GRIK1: variants seen among roughly 807,000 people sequenced by gnomAD.
GRIK1 encodes the protein glutamate receptor ionotropic, kainate 1.
In GRIK1, 69 loss-of-function variants were observed where a neutral mutation model predicts 105.7. The ratio of observed to expected loss-of-function variants is 0.65; its 90% confidence interval spans 0.54 to 0.80. The LOEUF is 0.80. GRIK1 is among the 30% of genes least tolerant of loss of function. The pLI, the probability that GRIK1 is intolerant of heterozygous loss-of-function variation, is 0.00. For missense variants in GRIK1, 1,109 were observed against 1,167.3 expected (o/e 0.95, Z 0.73); for synonymous variants, 438 against 431.3 (o/e 1.02, Z -0.19).
At chr21:29,705,467 G>T (rs1157544752) in intron 1 of GRIK1, among the ~76,000 whole-genome samples, 2 of 152,156 alleles carry the variant, frequency 1.3e-5, no homozygotes, top group East Asian at 3.8e-4. Flanking sequence ...AGTTTTCCTT[G>T]TAACCGTGAC....
rs896541775 is a variant in GRIK1 at position 29,598,964 on chromosome 21, T to C, written c.1099-27A>G. The C allele has an allele frequency of 4.9e-6, 5 of 1,014,186 alleles. No homozygotes were observed. In the South Asian group the frequency reaches 5.6e-5, roughly 11 times the overall value. 62.8% of individuals were successfully genotyped at this position (1,014,186 alleles called of 1,614,324 possible). A position where few individuals can be genotyped will look rare whatever the true frequency, so the allele number is the denominator to read the frequency against. ...TGTGGACAAGAAGAAATGTGGCTGT[T>C]ATTGTTAAACATTTATCATAATTCC... On this transcript the variant is annotated intron_variant, in intron 7 of 17. Coordinates refer to ENST00000327783, the MANE Select transcript of GRIK1 (RefSeq NM_001330994.2).
chr21:29,869,923 A>G (rs560277352), intron 1 of GRIK1, among the ~76,000 whole-genome samples: 8 of 152,310 alleles, frequency 5.3e-5, no homozygotes, highest in Admixed American at 4.6e-4. Flanking sequence ...AATATAGTGT[A>G]AACTGCACTT....
intron 7 of GRIK1, among the ~76,000 whole-genome samples, chr21:29,617,026 G>T (rs1221466065): frequency 6.6e-6 from 1 of 152,114 alleles, no homozygotes; most frequent in African/African-American, 2.4e-5. Flanking sequence ...AGCCATCATT[G>T]TATAAAACAT....
At chr21:29,576,381 T>C (rs1306877557) in intron 14 of GRIK1, among the ~76,000 whole-genome samples, 1 of 152,188 alleles carries the variant, frequency 6.6e-6, no homozygotes, top group African/African-American at 2.4e-5. Context: ...TCCGAAGACA[T>C]TTTGAAAAGC....
At chr21:29,926,105 TAA>T (rs10587669) in intron 1 of GRIK1, among the ~76,000 whole-genome samples, 9,812 of 148,094 alleles carry the variant, frequency 0.066, 953 homozygotes, top group African/African-American at 0.21. Context: ...CATAAAAAGC[TAA>T]AAAAAAAAAA....
chr21:29,882,530 G>T (rs1159295595), intron 1 of GRIK1, among the ~76,000 whole-genome samples: 1 of 152,084 alleles, frequency 6.6e-6, no homozygotes, highest in African/African-American at 2.4e-5. Context: ...CTCTCACAAT[G>T]ACACTCCAAT....
intron 1 of GRIK1, among the ~76,000 whole-genome samples, chr21:29,842,989 A>G (rs1396301868): frequency 1.3e-5 from 2 of 151,894 alleles, no homozygotes; most frequent in African/African-American, 2.4e-5. Flanking sequence ...TATATTTCTG[A>G]CTCTACAATC....
intron 1 of GRIK1, among the ~76,000 whole-genome samples, chr21:29,704,359 T>C (rs2063865662): frequency 6.6e-6 from 1 of 152,206 alleles, no homozygotes; most frequent in East Asian, 1.9e-4. Context: ...GTGGAATCTT[T>C]CCTGATTCCT....
At chr21:29,687,167 A>G (rs2063500759) in intron 3 of GRIK1, among the ~76,000 whole-genome samples, 2 of 152,080 alleles carry the variant, frequency 1.3e-5, no homozygotes, top group Non-Finnish European at 2.9e-5. Flanking sequence ...GCTCCCATTG[A>G]CTTCAATGGG....
intron 1 of GRIK1, among the ~76,000 whole-genome samples, chr21:29,755,466 T>A (rs983868044): frequency 1.3e-5 from 2 of 152,190 alleles, no homozygotes; most frequent in Non-Finnish European, 1.5e-5. Context: ...CCCTAACAGG[T>A]GAATACCACT....
At chr21:29,689,540 G>A (rs950694396) in intron 3 of GRIK1, among the ~76,000 whole-genome samples, 188 bp downstream of exon 3, 1 of 152,056 alleles carries the variant, frequency 6.6e-6, no homozygotes, top group African/African-American at 2.4e-5. Flanking sequence ...CGTTAGAAAG[G>A]ATCAACAAAC....
chr21:29,831,466 G>A (rs1008687034), intron 1 of GRIK1, among the ~76,000 whole-genome samples: 2 of 152,076 alleles, frequency 1.3e-5, no homozygotes, highest in African/African-American at 2.4e-5. Flanking sequence ...AAAGAAAAAA[G>A]GCTTAATTGA....
intron 1 of GRIK1, among the ~76,000 whole-genome samples, chr21:29,713,310 A>G: frequency 6.6e-6 from 1 of 152,160 alleles, no homozygotes; most frequent in East Asian, 1.9e-4. Flanking sequence ...TACATTCTCT[A>G]TTTAGTTTAA....
At chr21:29,668,441 A>G (rs1212120407) in intron 4 of GRIK1, among the ~76,000 whole-genome samples, 2 of 152,166 alleles carry the variant, frequency 1.3e-5, no homozygotes, top group African/African-American at 4.8e-5. Context: ...AAAGGCTATG[A>G]TGTGGGGAGA....
chr21:29,587,461 G>A lies in GRIK1; in HGVS notation c.1698C>T (p.Gly566=), dbSNP rs775458057. Reference sequence around the variant, plus strand: ...ACAGGGGGTTGAGGAAGGAGAAAACGCCTGGATTGGTACCATTGGGCTTCC... The same window carrying A: ...ACAGGGGGTTGAGGAAGGAGAAAACACCTGGATTGGTACCATTGGGCTTCC... ...LYRKPNGTNP[G]VFSFLNPLSP... The change falls in exon 12 of 18, where the codon GGC becomes GGT. Residue 566 remains glycine (G), a synonymous_variant. Transcript: ENST00000327783. The A allele has an allele frequency of 1.7e-5, 28 of 1,612,954 alleles. 1 individual carries two copies. The highest frequency in any genetic ancestry group is 2.1e-5 in the Non-Finnish European group (25 of 1,179,104).
intron 1 of GRIK1, among the ~76,000 whole-genome samples, chr21:29,743,250 AC>A (rs1407661668): frequency 2.6e-5 from 4 of 152,182 alleles, no homozygotes; most frequent in Admixed American, 1.3e-4. Flanking sequence ...AATTCTTGCA[AC>A]TTTTCTCATG....
chr21:29,813,069 G>C (rs1218179227), intron 1 of GRIK1, among the ~76,000 whole-genome samples: 1 of 152,066 alleles, frequency 6.6e-6, no homozygotes, highest in Non-Finnish European at 1.5e-5. Flanking sequence ...CTTGGGTATA[G>C]GATTCTCTAG....
chr21:29,688,784 C>T (rs780313579), intron 3 of GRIK1, among the ~76,000 whole-genome samples: 1 of 151,918 alleles, frequency 6.6e-6, no homozygotes, highest in Non-Finnish European at 1.5e-5. Context: ...TGCGTGCGGT[C>T]GTGGAGAATG....
At chr21:29,648,854 G>C (rs1025326382) in intron 6 of GRIK1, among the ~76,000 whole-genome samples, 2 of 152,142 alleles carry the variant, frequency 1.3e-5, no homozygotes, top group African/African-American at 4.8e-5. Context: ...AAGGCAGGGG[G>C]ACAGCAAGTG....
Sources: gnomAD v4.1 joint callset for allele counts (sites outside exome capture counted in the v4.1 genomes callset) on GRCh38, gnomAD v4.1.1 for gene constraint, MANE v1.5 for transcripts, NCBI Gene and HGNC (gene_info 2026-07-23, HGNC 2026-07-21) for gene names.